GREB1: variants seen among roughly 807,000 people sequenced by gnomAD.
GREB1 encodes the protein growth regulating estrogen receptor binding 1.
GREB1 carries 106 observed loss-of-function variants against 200.7 expected under a neutral mutation model. The observed-to-expected ratio is 0.53, with a 90% CI of 0.45 to 0.62. The LOEUF (loss-of-function observed/expected upper bound fraction) is 0.62. Among genes scored for constraint, GREB1 ranks in the 20% least tolerant of loss-of-function variants. The pLI, the probability that GREB1 is intolerant of heterozygous loss-of-function variation, is 0.00. For missense variants in GREB1, 2,243 were observed against 2,556.8 expected, an observed-to-expected ratio of 0.88 and a Z score of 2.65; for synonymous variants, 1,132 against 1,092.4, an observed-to-expected ratio of 1.04 and a Z score of -0.72.
intron 2 of GREB1, among the ~76,000 whole-genome samples, chr2:11,558,007 G>A (rs56229595): frequency 0.038 from 5,744 of 152,176 alleles, 227 homozygotes; most frequent in African/African-American, 0.091. Context: ...AGAGCTTTGT[G>A]GCTAATTATG....
intron 20 of GREB1, 126 bp downstream of exon 20, chr2:11,615,416 T>C: frequency 1.3e-6 from 1 of 751,318 alleles, no homozygotes; most frequent in Non-Finnish European, 2.2e-6. Context: ...GGGACCTGTC[T>C]GCTGGACAGC....
At chr2:11,537,734 TATA>T (rs1021456583) in intron 1 of GREB1, among the ~76,000 whole-genome samples, 20 of 147,594 alleles carry the variant, frequency 1.4e-4, no homozygotes, top group African/African-American at 3.2e-4. Context: ...TTATATAATA[TATA>T]ATAATATATA....
Position 11,580,896 on chromosome 2 carries a change from G to A in GREB1, c.901+64G>A, listed in dbSNP as rs772106391. 5 of 1,601,416 alleles carry A rather than the reference G, an allele frequency of 3.1e-6. No homozygotes were observed. In the South Asian group the frequency reaches 5.5e-5, roughly 18 times the overall value. Reference sequence around the variant, plus strand: ...CTTCTTTGGGCCAAGGCCAGAGGGGGCATGGGAGCTGCTGGGCTGGGGCCG... The same window carrying A: ...CTTCTTTGGGCCAAGGCCAGAGGGGACATGGGAGCTGCTGGGCTGGGGCCG... On this transcript the variant is annotated intron_variant, in intron 7 of 32. Transcript: ENST00000381486. The surrounding 1 kb of genome is among the most constrained non-coding windows in gnomAD (Gnocchi z 4.5).
intron 4 of GREB1, among the ~76,000 whole-genome samples, chr2:11,571,032 G>A (rs1464013249): frequency 2.0e-5 from 3 of 150,814 alleles, no homozygotes; most frequent in Non-Finnish European, 4.4e-5. Flanking sequence ...CAAGGCAGGG[G>A]CTCTGGATAT....
chr2:11,554,656 T>C (rs6432215), intron 1 of GREB1, among the ~76,000 whole-genome samples: 43,757 of 152,144 alleles, frequency 0.29, 10,877 homozygotes, highest in African/African-American at 0.68. Flanking sequence ...CCATTTTGTA[T>C]GTCAAATGTT....
intron 1 of GREB1, among the ~76,000 whole-genome samples, chr2:11,513,111 T>G (rs1673396123): frequency 6.6e-6 from 1 of 152,234 alleles, no homozygotes; most frequent in African/African-American, 2.4e-5. Context: ...TGTTTTCCTA[T>G]TTGTATTCAT....
At chr2:11,610,429 T>C (rs375530502) in intron 17 of GREB1, among the ~76,000 whole-genome samples, 31 of 152,366 alleles carry the variant, frequency 2.0e-4, no homozygotes, top group South Asian at 8.3e-4. Flanking sequence ...GAGCAGCTAC[T>C]AAGTGCCAAA....
At position 11,640,419 on chromosome 2, in the gene GREB1, C is replaced by T. The variant is rs765465026; in HGVS notation, c.5815C>T (p.Arg1939Trp). 1.2e-5 allele frequency: 20 copies of T among 1,614,198 alleles called. No individual in the cohort carries two copies. The highest frequency in any genetic ancestry group is 2.2e-5 in the East Asian group (1 of 44,884). The change falls in exon 33 of 33, where the codon CGG (arginine) becomes TGG (tryptophan). Residue 1939 changes from arginine (R) to tryptophan (W), a missense_variant. Physicochemically the swap from Arg to Trp is moderately radical, Grantham distance 101 (BLOSUM62 -3). Coordinates refer to ENST00000381486, the MANE Select transcript of GREB1 (RefSeq NM_014668.4). The surrounding 1 kb of genome is among the most constrained non-coding windows in gnomAD (Gnocchi z 4.6). Reference sequence around the variant, plus strand: ...CCAGACCGCCAATGCCAGGGAAGACCGGCCGCTCTTTTTTCTGACGGGACG... The same window carrying T: ...CCAGACCGCCAATGCCAGGGAAGACTGGCCGCTCTTTTTTCTGACGGGACG... ...EFQTANARED[R>W]PLFFLTGRHI
At chr2:11,636,801 C>A (rs1274202244) in intron 30 of GREB1, among the ~76,000 whole-genome samples, 1 of 143,970 alleles carries the variant, frequency 6.9e-6, no homozygotes, top group African/African-American at 2.5e-5. Context: ...TGGGCAGGGG[C>A]AGAGGCAGGG....
At chr2:11,531,664 G>C (rs535074266), upstream of GREB1, among the ~76,000 whole-genome samples, 1 of 151,938 alleles carries the variant, frequency 6.6e-6, no homozygotes, top group African/African-American at 2.4e-5. Flanking sequence ...TTGGCATCTC[G>C]GGTTCAAGCG....
At chr2:11,550,091 C>T (rs1166730810) in intron 1 of GREB1, among the ~76,000 whole-genome samples, 7 of 151,922 alleles carry the variant, frequency 4.6e-5, no homozygotes, top group Non-Finnish European at 1.5e-5. Context: ...AGGTGGCGGG[C>T]GCCTGTAATC....
intron 15 of GREB1, among the ~76,000 whole-genome samples, chr2:11,599,519 A>ATTTTTT (rs11367888): frequency 0.015 from 1,522 of 99,708 alleles, 79 homozygotes; most frequent in African/African-American, 0.062. Flanking sequence ...TCGTTTTTGT[A>ATTTTTT]TTTTTTTTTT....
At chr2:11,636,834 A>T (rs1225243206) in intron 30 of GREB1, among the ~76,000 whole-genome samples, 1 of 119,584 alleles carries the variant, frequency 8.4e-6, no homozygotes, top group East Asian at 2.7e-4. Context: ...GCAGGGACAG[A>T]GGCAGGGACA....
At chr2:11,601,812 C>A (rs193247882) in intron 16 of GREB1, among the ~76,000 whole-genome samples, 30 of 152,328 alleles carry the variant, frequency 2.0e-4, no homozygotes, top group Middle Eastern at 3.4e-3. Flanking sequence ...AAGTGGCCAA[C>A]AAGAGTTGGG....
At chr2:11,561,340 A>T (rs925321763) in intron 2 of GREB1, 1 of 149,562 alleles carries the variant, frequency 6.7e-6, no homozygotes, top group African/African-American at 2.5e-5. Context: ...TAGTGTTTAC[A>T]TGCATTCTTC....
upstream of GREB1, among the ~76,000 whole-genome samples, chr2:11,531,674 G>T (rs187992451): frequency 0.012 from 1,771 of 152,118 alleles, 18 homozygotes; most frequent in Middle Eastern, 0.031. Flanking sequence ...GGGTTCAAGC[G>T]ATTCTCCTGC....
At position 11,502,305 on chromosome 2, in the gene GREB1, C is replaced by T. The variant is rs1476460305; in HGVS notation, c.-159+19924C>T. On this transcript the variant is annotated intron_variant, in intron 1 of 2. Transcript: ENST00000628795. ...GTATGGTAACAGCTCACTGCAGCCT[C>T]GACTTCCCTGGCTCAAGCAATCCTC... 4.7e-5 allele frequency among the ~76,000 whole-genome samples: 7 copies of T among 150,482 alleles called. No homozygotes were observed. The East Asian group carries it at 9.8e-4, about 21-fold the overall frequency.
At chr2:11,558,134 G>C (rs1273732035) in intron 2 of GREB1, among the ~76,000 whole-genome samples, 1 of 152,168 alleles carries the variant, frequency 6.6e-6, no homozygotes, top group Non-Finnish European at 1.5e-5. Flanking sequence ...AAGATGGAAG[G>C]GTGGCTTGCT....
At chr2:11,521,563 C>T (rs1051167125) in intron 1 of GREB1, among the ~76,000 whole-genome samples, 1 of 152,176 alleles carries the variant, frequency 6.6e-6, no homozygotes, top group African/African-American at 2.4e-5. Context: ...ATTTGGGAAG[C>T]TCCCTTGCTA....
Sources: gnomAD v4.1 joint callset for allele counts (sites outside exome capture counted in the v4.1 genomes callset) on GRCh38, gnomAD v4.1.1 for gene constraint, Gnocchi (gnomAD v3.1) non-coding constraint, MANE v1.5 for transcripts, NCBI Gene and HGNC (gene_info 2026-07-23, HGNC 2026-07-21) for gene names.